The following ZHX2 variants were observed in gnomAD, a reference collection of about 807,000 sequenced individuals.
ZHX2 encodes the protein zinc fingers and homeoboxes protein 2.
Under a neutral mutation model 21.9 loss-of-function variants are expected in ZHX2, and 6 were observed. That is an observed-to-expected ratio of 0.27 (90% CI 0.15 to 0.54). The LOEUF is 0.54. Ranked by LOEUF, ZHX2 falls within the 20% of genes least tolerant of loss-of-function variation. The pLI, the probability that ZHX2 is intolerant of heterozygous loss-of-function variation, is 0.95. For missense variants in ZHX2, 908 were observed against 1,090.7 expected (o/e 0.83, Z 2.36); for synonymous variants, 434 against 437.1 (o/e 0.99, Z 0.09).
At chr8:122,846,574 T>C (rs1818756107) in intron 1 of ZHX2, among the ~76,000 whole-genome samples, 1 of 149,572 alleles carries the variant, frequency 6.7e-6, no homozygotes, top group Admixed American at 6.7e-5. Context: ...TTTTTGCCAG[T>C]CTCCATGGGA....
chr8:122,973,541 T>C lies in ZHX2; in HGVS notation c.*304T>C, dbSNP rs1428778736. 1 of 152,688 alleles carries C rather than the reference T, an allele frequency of 6.5e-6. No individual in the cohort carries two copies. Among genetic ancestry groups the C allele is most frequent in the African/African-American group, 2.4e-5 (1 of 41,464 alleles). 9.5% of individuals were successfully genotyped at this position (152,688 alleles called of 1,614,324 possible). On this transcript the variant is annotated 3_prime_UTR_variant, in exon 4 of 4. Coordinates refer to ENST00000314393, the MANE Select transcript of ZHX2 (RefSeq NM_014943.5). ...GCTATACTGGAACCGATTTGTACAA[T>C]GTGGGAATTTTGTTACCTTTTTAAT...
At chr8:122,923,841 G>C (rs1201602262) in intron 2 of ZHX2, among the ~76,000 whole-genome samples, 1 of 152,178 alleles carries the variant, frequency 6.6e-6, no homozygotes, top group South Asian at 2.1e-4. Context: ...AATGCTCCAT[G>C]GGTATGCTCT....
At chr8:122,845,293 TATTGAAA>T (rs547404220) in intron 1 of ZHX2, among the ~76,000 whole-genome samples, 66 of 152,376 alleles carry the variant, frequency 4.3e-4, no homozygotes, top group Non-Finnish European at 8.2e-4. Flanking sequence ...TAACTGCCGC[TATTGAAA>T]ATGTTGGAGA....
intron 2 of ZHX2, among the ~76,000 whole-genome samples, chr8:122,896,006 G>T (rs944634153): frequency 3.1e-4 from 47 of 152,158 alleles, no homozygotes; most frequent in African/African-American, 1.1e-3. Flanking sequence ...TAGCACAGCT[G>T]GGCACTCTGT....
At chr8:122,968,566 C>T (rs537184664) in intron 3 of ZHX2, among the ~76,000 whole-genome samples, 7 of 152,280 alleles carry the variant, frequency 4.6e-5, no homozygotes, top group African/African-American at 9.6e-5. Flanking sequence ...AGGCCAGGCA[C>T]GGTGGCTCAT....
Position 122,862,120 on chromosome 8 carries a change from C to T in ZHX2, c.-282-1357C>T, listed in dbSNP as rs562513003. On this transcript the variant is annotated intron_variant, in intron 1 of 3. Transcript: ENST00000314393. ...TGGCCAGTATTCAGTGCCTCCCTCCCGGAGTGCTCTGCCCGATACCCGAGG... is the reference window on the plus strand; with the variant it reads ...TGGCCAGTATTCAGTGCCTCCCTCCTGGAGTGCTCTGCCCGATACCCGAGG... 4.2e-4 allele frequency among the ~76,000 whole-genome samples: 64 copies of T among 152,286 alleles called. No homozygotes were observed. The South Asian group carries it at 4.6e-3, about 11-fold the overall frequency.
rs373654140 is a variant in ZHX2, at chr8:122,953,529, G to A, written c.2019G>A (p.Val673=). 9 of 1,614,234 alleles carry A rather than the reference G, an allele frequency of 5.6e-6. No individual in the cohort carries two copies. The African/African-American group carries it at 1.2e-4, about 22-fold the overall frequency. Reference sequence around the variant, plus strand: ...CTGGCCTGGTCCGAACTGAGATTGTGCGTTGGTTCAAGGAGAACAGATGCT... The same window carrying A: ...CTGGCCTGGTCCGAACTGAGATTGTACGTTGGTTCAAGGAGAACAGATGCT... ...AKTGLVRTEI[V]RWFKENRCLL... is the part of the protein sequence containing the mutation. Residue 673 remains valine, a synonymous_variant, in exon 3 of 4, where the codon GTG becomes GTA. Coordinates refer to ENST00000314393, the MANE Select transcript of ZHX2 (RefSeq NM_014943.5). This position sits in a 1 kb window ranked among gnomAD's most constrained non-coding sequence, Gnocchi z 4.6.
chr8:122,949,613 G>C (rs1813060492), intron 2 of ZHX2, among the ~76,000 whole-genome samples: 1 of 152,196 alleles, frequency 6.6e-6, no homozygotes, highest in African/African-American at 2.4e-5. Flanking sequence ...GGAGACAGCA[G>C]CACGTGGATA....
intron 2 of ZHX2, among the ~76,000 whole-genome samples, chr8:122,868,970 T>C (rs1041415674): frequency 2.6e-5 from 4 of 152,198 alleles, no homozygotes; most frequent in Admixed American, 6.5e-5. Flanking sequence ...TTAGGACTCC[T>C]GGGTTATTGA....
intron 1 of ZHX2, among the ~76,000 whole-genome samples, chr8:122,823,766 C>A (rs1431720046): frequency 6.6e-6 from 1 of 152,182 alleles, no homozygotes; most frequent in African/African-American, 2.4e-5. Flanking sequence ...GGGGTCTTCC[C>A]AGACCAGTTA....
intron 1 of ZHX2, among the ~76,000 whole-genome samples, chr8:122,812,497 G>C (rs1164002931): frequency 6.6e-6 from 1 of 152,128 alleles, no homozygotes; most frequent in Non-Finnish European, 1.5e-5. Flanking sequence ...AAAATGGCAC[G>C]GAGCTAGGGT....
chr8:122,938,098 G>A (rs948520173), intron 2 of ZHX2, among the ~76,000 whole-genome samples: 3 of 151,806 alleles, frequency 2.0e-5, no homozygotes, highest in African/African-American at 7.3e-5. Context: ...ACCATGTCCA[G>A]CTAATTTTTC....
chr8:122,780,872 T>C (rs1179698631), upstream of ZHX2: 2 of 152,214 alleles, frequency 1.3e-5, no homozygotes, highest in Non-Finnish European at 2.9e-5. Flanking sequence ...CTGGGGCGTC[T>C]GTTTGTTTAT....
chr8:122,893,484 C>T (rs544472287), intron 2 of ZHX2, among the ~76,000 whole-genome samples: 25 of 152,198 alleles, frequency 1.6e-4, no homozygotes, highest in Middle Eastern at 3.4e-3. Context: ...CCTATAGGCC[C>T]TGTAGGCTTT....
At chr8:122,811,992 G>T (rs1307461821) in intron 1 of ZHX2, 2 of 152,190 alleles carry the variant, frequency 1.3e-5, no homozygotes, top group African/African-American at 2.4e-5. Context: ...TTGGACTGAG[G>T]AGAGACAGAC....
At chr8:122,940,743 T>G (rs1812821424) in intron 2 of ZHX2, among the ~76,000 whole-genome samples, 1 of 152,202 alleles carries the variant, frequency 6.6e-6, no homozygotes, top group Admixed American at 6.5e-5. Flanking sequence ...ATCTAATTTA[T>G]AGACACAGTA....
chr8:122,918,665 G>A (rs990813506), intron 2 of ZHX2, among the ~76,000 whole-genome samples: 11 of 152,124 alleles, frequency 7.2e-5, no homozygotes, highest in East Asian at 5.8e-4. Context: ...CTTTCTTTAC[G>A]TCCGGGCGCG....
chr8:122,904,921 T>TA (rs1820311133), intron 2 of ZHX2, among the ~76,000 whole-genome samples: 1 of 152,016 alleles, frequency 6.6e-6, no homozygotes, highest in South Asian at 2.1e-4. Context: ...CTTCAAACAA[T>TA]AAAAAATAGA....
At chr8:122,806,618 C>T (rs1452606780) in intron 1 of ZHX2, among the ~76,000 whole-genome samples, 2 of 152,106 alleles carry the variant, frequency 1.3e-5, no homozygotes, top group Non-Finnish European at 1.5e-5. Context: ...AGGGAAGCAC[C>T]GGGCTCACAA....
Sources: gnomAD v4.1 joint callset for allele counts (sites outside exome capture counted in the v4.1 genomes callset) on GRCh38, gnomAD v4.1.1 for gene constraint, Gnocchi (gnomAD v3.1) non-coding constraint, MANE v1.5 for transcripts, NCBI Gene and HGNC (gene_info 2026-07-23, HGNC 2026-07-21) for gene names.